Variants in FAT3 observed in about 807,000 individuals in gnomAD.
The protein encoded by FAT3 is protocadherin Fat 3.
A neutral mutation model predicts 310.2 loss-of-function variants in FAT3; 95 were observed. That is an observed-to-expected ratio of 0.31 (90% CI 0.26 to 0.36). FAT3 has a LOEUF of 0.36. Ranked by LOEUF, FAT3 falls within the 10% of genes least tolerant of loss-of-function variation. The pLI is 1.00. For missense variants in FAT3, 5,408 were observed against 5,715.6 expected (o/e 0.95, Z 1.74); for synonymous variants, 2,314 against 2,192.9 (o/e 1.06, Z -1.54).
chr11:92,247,385 T>C (rs2508590), intron 1 of FAT3, among the ~76,000 whole-genome samples: 1 of 151,970 alleles, frequency 6.6e-6, no homozygotes, highest in African/African-American at 2.4e-5. Flanking sequence ...TGTCCTCTTT[T>C]GCTCTTGCTT....
At position 92,895,314 on chromosome 11, in the gene FAT3, C is replaced by T. The variant is rs972498754; in HGVS notation, c.*4201C>T. The T allele has an allele frequency of 2.0e-5, 3 of 152,216 alleles. No homozygotes were observed. The highest frequency in any genetic ancestry group is 4.8e-5 in the African/African-American group (2 of 41,466). 9.4% of individuals were successfully genotyped at this position (152,216 alleles called of 1,614,324 possible). ...TGCACATTATTCTGATGAAAATCCA[C>T]AATGTCTTTGAGCTTCTGGTTGTGT... On this transcript the variant is annotated 3_prime_UTR_variant, in exon 28 of 28. Coordinates refer to ENST00000525166, the MANE Select transcript of FAT3 (RefSeq NM_001367949.2).
chr11:92,506,913 A>C (rs1953116352), intron 2 of FAT3, among the ~76,000 whole-genome samples: 1 of 152,230 alleles, frequency 6.6e-6, no homozygotes, highest in African/African-American at 2.4e-5. Context: ...TGGTGACAAC[A>C]GGCTAATATT....
At chr11:92,822,115 A>C (rs1369901951) in intron 13 of FAT3, among the ~76,000 whole-genome samples, 4 of 152,098 alleles carry the variant, frequency 2.6e-5, no homozygotes, top group Non-Finnish European at 5.9e-5. Context: ...TTAAACATCC[A>C]GTTTCTTCCA....
chr11:92,374,854 TA>T (rs573787102), intron 2 of FAT3, among the ~76,000 whole-genome samples: 9,998 of 87,908 alleles, frequency 0.11, 1,094 homozygotes, highest in African/African-American at 0.48. Context: ...TTTTTTTTTT[TA>T]ATTGTACAAT....
At chr11:92,710,574 A>G (rs762011769) in intron 4 of FAT3, among the ~76,000 whole-genome samples, 1 of 152,250 alleles carries the variant, frequency 6.6e-6, no homozygotes, top group African/African-American at 2.4e-5. Flanking sequence ...CTTGTTTGGT[A>G]TCAGCCAGAA....
intron 3 of FAT3, among the ~76,000 whole-genome samples, chr11:92,652,976 A>G (rs1942441710): frequency 6.6e-6 from 1 of 152,158 alleles, no homozygotes; most frequent in South Asian, 2.1e-4. Flanking sequence ...CAGACTGGCC[A>G]ACATGGTGAA....
At chr11:92,596,370 T>C (rs1787652595) in intron 3 of FAT3, among the ~76,000 whole-genome samples, 2 of 152,114 alleles carry the variant, frequency 1.3e-5, no homozygotes, top group Non-Finnish European at 2.9e-5. Flanking sequence ...GTCAACACAA[T>C]TTTATGTTCT....
At chr11:92,742,350 G>A (rs1038447135) in intron 4 of FAT3, among the ~76,000 whole-genome samples, 5 of 152,190 alleles carry the variant, frequency 3.3e-5, no homozygotes, top group Non-Finnish European at 7.3e-5. Context: ...ATACCATGCA[G>A]TGGGAACCCC....
intron 3 of FAT3, among the ~76,000 whole-genome samples, chr11:92,620,298 T>C (rs761751101): frequency 6.6e-6 from 1 of 152,228 alleles, no homozygotes; most frequent in South Asian, 2.1e-4. Flanking sequence ...GAATGTTCCA[T>C]GTGCACTTGA....
intron 3 of FAT3, among the ~76,000 whole-genome samples, chr11:92,618,729 C>T (rs1731874961): frequency 6.6e-6 from 1 of 152,180 alleles, no homozygotes; most frequent in South Asian, 2.1e-4. Flanking sequence ...CATTTATTAG[C>T]TCCAACATTT....
At chr11:92,564,719 A>G (rs1214140108) in intron 3 of FAT3, among the ~76,000 whole-genome samples, 1 of 151,946 alleles carries the variant, frequency 6.6e-6, no homozygotes, top group Non-Finnish European at 1.5e-5. Flanking sequence ...ACTAGAACTC[A>G]GGATTAAGGA....
chr11:92,711,719 T>G (rs2135949411), intron 4 of FAT3, among the ~76,000 whole-genome samples: 1 of 152,370 alleles, frequency 6.6e-6, no homozygotes, highest in African/African-American at 2.4e-5. Context: ...AAAAGAGTAC[T>G]GCATATTAAT....
chr11:92,526,811 G>A (rs144090901), intron 3 of FAT3, among the ~76,000 whole-genome samples: 1 of 152,182 alleles, frequency 6.6e-6, no homozygotes, highest in Admixed American at 6.5e-5. Context: ...TTTTTGCCAG[G>A]AATGACATTT....
chr11:92,670,254 G>A (rs182004491), intron 3 of FAT3, among the ~76,000 whole-genome samples: 2 of 152,262 alleles, frequency 1.3e-5, no homozygotes, highest in Non-Finnish European at 2.9e-5. Flanking sequence ...GTGATAGGGA[G>A]GTTTTATTGC....
intron 1 of FAT3, among the ~76,000 whole-genome samples, chr11:92,299,418 A>G (rs1946933381): frequency 6.6e-6 from 1 of 152,132 alleles, no homozygotes; most frequent in Admixed American, 6.6e-5. Flanking sequence ...TAGGTGCAGT[A>G]AAGACAAAGA....
At chr11:92,859,120 C>A in intron 20 of FAT3, 45 bp from the exon 21 acceptor site, 1 of 1,575,342 alleles carries the variant, frequency 6.3e-7, no homozygotes, top group Non-Finnish European at 8.6e-7. Context: ...CTGTTCCTTT[C>A]TGGATGTTAA....
chr11:92,528,524 C>G (rs1181557166), intron 3 of FAT3, among the ~76,000 whole-genome samples: 1 of 152,168 alleles, frequency 6.6e-6, no homozygotes, highest in African/African-American at 2.4e-5. Flanking sequence ...GTAGCTGGGA[C>G]TACAGGCGCC....
At chr11:92,499,777 G>C (rs979276943) in intron 2 of FAT3, among the ~76,000 whole-genome samples, 5 of 148,750 alleles carry the variant, frequency 3.4e-5, no homozygotes, top group African/African-American at 1.3e-4. Flanking sequence ...TGATTAGAAA[G>C]AATAAACCCT....
In FAT3 at chr11:92,353,945, A is replaced by G. The variant is rs372452258; in HGVS notation, c.1833A>G (p.Val611=). ...SAIDIDELEL[V]KYKIISGNEL... is the part of the protein sequence containing the mutation. The stretch of plus-strand genomic sequence containing the variant: ...TCGATATCGATGAACTTGAACTTGT[A>G]AAGTACAAAATCATTTCTGGAAATG... Residue 611 remains valine (V), a synonymous_variant, in exon 2 of 28, where the codon GTA becomes GTG. Transcript: ENST00000525166. The G allele has an allele frequency of 1.2e-6, 2 of 1,612,260 alleles. No individual in the cohort carries two copies. The highest frequency in any genetic ancestry group is 2.7e-5 in the African/African-American group (2 of 75,022).
Sources: allele counts gnomAD v4.1 joint callset (sites outside exome capture counted in the v4.1 genomes callset), GRCh38; gene constraint gnomAD v4.1.1; transcripts MANE v1.5; gene names NCBI Gene and HGNC (gene_info 2026-07-23, HGNC 2026-07-21).